Variants in B4GALNT3 observed in about 807,000 individuals in gnomAD.
B4GALNT3 encodes the protein beta-1,4-N-acetyl-galactosaminyltransferase 3.
Under a neutral mutation model 120.2 loss-of-function variants are expected in B4GALNT3, and 86 were observed. The ratio of observed to expected loss-of-function variants is 0.72; its 90% CI spans 0.60 to 0.86. The LOEUF (loss-of-function observed/expected upper bound fraction) is 0.86. Among genes scored for constraint, B4GALNT3 ranks in the 40% least tolerant of loss-of-function variants. The probability of loss-of-function intolerance (pLI) is 0.00; values close to 1 mark genes in which losing one functional copy is unlikely to be tolerated. For synonymous variants in B4GALNT3, 518 were observed against 510.4 expected (o/e 1.01, Z -0.20); for missense variants, 1,167 against 1,298.9 (o/e 0.90, Z 1.56).
chr12:484,353 G>T (rs1946270491), intron 1 of B4GALNT3, among the ~76,000 whole-genome samples: 1 of 152,192 alleles, frequency 6.6e-6, no homozygotes, highest in Non-Finnish European at 1.5e-5. Context: ...CATCCTGTTG[G>T]CACGTGCCAC....
At chr12:540,945 A>G (rs961088694) in intron 3 of B4GALNT3, among the ~76,000 whole-genome samples, 21 of 152,102 alleles carry the variant, frequency 1.4e-4, no homozygotes, top group East Asian at 9.7e-4. Context: ...GGGTTTCACC[A>G]TGTTAGCCAG....
At chr12:500,690 G>A (rs993420155) in intron 1 of B4GALNT3, among the ~76,000 whole-genome samples, 4 of 151,940 alleles carry the variant, frequency 2.6e-5, no homozygotes, top group Non-Finnish European at 4.4e-5. Context: ...GACCCACCAG[G>A]CCTTCATACT....
intron 1 of B4GALNT3, among the ~76,000 whole-genome samples, chr12:493,626 A>G (rs10735035): frequency 0.57 from 86,164 of 150,856 alleles, 25,053 homozygotes; most frequent in Non-Finnish European, 0.62. Context: ...CACGAGAAGG[A>G]TATAATTCAC....
At chr12:546,971 A>G (rs2120704374) in intron 7 of B4GALNT3, 1 of 520,522 alleles carries the variant, frequency 1.9e-6, no homozygotes, top group East Asian at 3.3e-5. Flanking sequence ...ACTGGAAAAT[A>G]GGTCTCCTTC....
At chr12:530,175 G>T (rs1405962003) in intron 1 of B4GALNT3, among the ~76,000 whole-genome samples, 1 of 152,284 alleles carries the variant, frequency 6.6e-6, no homozygotes, top group Admixed American at 6.5e-5. Context: ...TGCCCTGTTG[G>T]GCATTGGCAG....
intron 17 of B4GALNT3, 51 bp downstream of exon 17, chr12:558,139 G>A (rs536662062): frequency 6.3e-7 from 1 of 1,586,406 alleles, no homozygotes; most frequent in African/African-American, 1.3e-5. Context: ...CTGGTTAAGA[G>A]GTAGAGAGAC....
At chr12:539,271 C>T (rs975533569) in intron 3 of B4GALNT3, among the ~76,000 whole-genome samples, 7 of 152,184 alleles carry the variant, frequency 4.6e-5, no homozygotes, top group East Asian at 1.9e-4. Context: ...GATCACAAGA[C>T]GCTCATTAAC....
At chr12:469,824 A>G (rs1271480058) in intron 1 of B4GALNT3, among the ~76,000 whole-genome samples, 1 of 152,012 alleles carries the variant, frequency 6.6e-6, no homozygotes, top group Non-Finnish European at 1.5e-5. Context: ...TTTTTAAAAA[A>G]TTTTGTTTTT....
At chr12:511,013 CTTTTTTTTTTTTT>C (rs762032000) in intron 1 of B4GALNT3, among the ~76,000 whole-genome samples, 186 of 43,820 alleles carry the variant, frequency 4.2e-3, no homozygotes, top group Non-Finnish European at 6.4e-3. Context: ...TTTGCCTATT[CTTTTTTTTTTTTT>C]TTTTTTTTTT....
chr12:553,732 G>T lies in B4GALNT3; in HGVS notation c.1809G>T (p.Val603=), dbSNP rs1284875932. ...VVAAAGQEGQ[V]EGEEEGEEEE... ...CGGCCGCAGGCCAGGAAGGACAAGT[G>T]GAGGGAGAGGAAGAGGGGGAAGAAG... Residue 603 remains valine, a synonymous_variant, in exon 14 of 20, where the codon GTG becomes GTT. Transcript: ENST00000266383. 3.7e-6 allele frequency: 6 copies of T among 1,614,060 alleles called. No homozygotes were observed. The highest frequency in any genetic ancestry group is 5.1e-6 in the Non-Finnish European group (6 of 1,180,002).
intron 1 of B4GALNT3, among the ~76,000 whole-genome samples, chr12:485,266 G>A (rs1420807718): frequency 6.6e-6 from 1 of 152,152 alleles, no homozygotes; most frequent in Non-Finnish European, 1.5e-5. Context: ...AGCAAGCGTG[G>A]GCACTGAGAA....
intron 1 of B4GALNT3, among the ~76,000 whole-genome samples, chr12:532,373 G>A (rs1946817034): frequency 6.6e-6 from 1 of 152,170 alleles, no homozygotes; most frequent in Non-Finnish European, 1.5e-5. Context: ...CTTACCTTCT[G>A]TTAAAGAGAA....
In B4GALNT3 at chr12:555,313, A is replaced by T. The variant is rs181286867; in HGVS notation, c.2061-1234A>T. The T allele has an allele frequency of 1.6e-3, 712 of 456,084 alleles. 2 individuals carry two copies. The highest frequency in any genetic ancestry group is 2.3e-3 in the Non-Finnish European group (525 of 226,572). 28.3% of individuals were successfully genotyped at this position (456,084 alleles called of 1,614,324 possible). On this transcript the variant is annotated intron_variant, in intron 14 of 19. Transcript: ENST00000266383. Reference sequence around the variant, plus strand: ...AGCTCTGTGGATTTTCCTATTCCGGACATCTTATGCAAATGGAACCATGTA... The same window carrying T: ...AGCTCTGTGGATTTTCCTATTCCGGTCATCTTATGCAAATGGAACCATGTA...
In B4GALNT3 at chr12:550,974, C is replaced by T. The variant is rs933072018; in HGVS notation, c.1050C>T (p.Tyr350=). The part of the protein sequence containing the change: ...HLRHVLPDCP[Y]KPSYLVDGLP... ...GCCACGTCCTGCCTGACTGTCCCTA[C>T]AAACCCAGCTATCTGGTGGATGGGC... The change falls in exon 11 of 20, where the codon TAC becomes TAT. Residue 350 remains tyrosine (Y), a synonymous_variant. Coordinates refer to ENST00000266383, the MANE Select transcript of B4GALNT3 (RefSeq NM_173593.4). The surrounding 1 kb of genome is among the most constrained non-coding windows in gnomAD (Gnocchi z 4.1). 3 of 1,614,082 alleles carry T rather than the reference C, an allele frequency of 1.9e-6. No individual in the cohort carries two copies. In the African/African-American group the frequency reaches 4.0e-5, roughly 22 times the overall value.
At chr12:512,116 A>T (rs1348441792) in intron 1 of B4GALNT3, among the ~76,000 whole-genome samples, 3 of 60,642 alleles carry the variant, frequency 4.9e-5, no homozygotes, top group Admixed American at 1.8e-4. Flanking sequence ...ACCTTCTTCC[A>T]CCTTCGAGCT....
intron 1 of B4GALNT3, among the ~76,000 whole-genome samples, chr12:511,376 C>A: frequency 7.2e-6 from 1 of 139,194 alleles, no homozygotes; most frequent in African/African-American, 2.7e-5. Flanking sequence ...AACCTTCCGC[C>A]TTCCGCCTTC....
At chr12:554,696 A>G (rs958033440) in intron 14 of B4GALNT3, among the ~76,000 whole-genome samples, 2 of 141,622 alleles carry the variant, frequency 1.4e-5, no homozygotes, top group South Asian at 2.5e-4. Context: ...AGGCTGAGGC[A>G]GGAGAATGGC....
At chr12:495,394 T>A (rs183376074) in intron 1 of B4GALNT3, among the ~76,000 whole-genome samples, 1 of 152,152 alleles carries the variant, frequency 6.6e-6, no homozygotes, top group African/African-American at 2.4e-5. Flanking sequence ...CTAACTTTCT[T>A]TGTAAACCTT....
chr12:558,945 C>G (rs530843922), intron 18 of B4GALNT3, among the ~76,000 whole-genome samples: 21 of 151,804 alleles, frequency 1.4e-4, no homozygotes, highest in African/African-American at 4.8e-4. Context: ...GATGCTCTGC[C>G]CTGTGGGGAT....
Sources: gnomAD v4.1 joint callset for allele counts (sites outside exome capture counted in the v4.1 genomes callset) on GRCh38, gnomAD v4.1.1 for gene constraint, Gnocchi (gnomAD v3.1) non-coding constraint, MANE v1.5 for transcripts, NCBI Gene and HGNC (gene_info 2026-07-23, HGNC 2026-07-21) for gene names.